The following SAMD8 variants were observed in gnomAD, a reference collection of about 807,000 sequenced individuals.
SAMD8 encodes the protein sphingomyelin synthase-related protein 1.
A neutral mutation model predicts 42.0 loss-of-function variants in SAMD8; 20 were observed. That is an observed-to-expected ratio of 0.48 (90% CI 0.34 to 0.69). The LOEUF (loss-of-function observed/expected upper bound fraction) is 0.69. Among genes scored for constraint, SAMD8 ranks in the 30% least tolerant of loss-of-function variants. The pLI, the probability that SAMD8 is intolerant of heterozygous loss-of-function variation, is 0.01. For synonymous variants in SAMD8, 162 were observed against 173.0 expected (o/e 0.94, Z 0.50); for missense variants, 328 against 511.6 (o/e 0.64, Z 3.46).
chr10:75,133,442 A>G (rs1314705384), intron 1 of SAMD8, among the ~76,000 whole-genome samples: 1 of 152,174 alleles, frequency 6.6e-6, no homozygotes, highest in East Asian at 1.9e-4. Flanking sequence ...CGATCCAGCA[A>G]TCTCTCTATT....
At chr10:75,121,038 A>G (rs996779022) in intron 1 of SAMD8, among the ~76,000 whole-genome samples, 1 of 152,018 alleles carries the variant, frequency 6.6e-6, no homozygotes, top group African/African-American at 2.4e-5. Flanking sequence ...CGGCCTCCCA[A>G]AGTGCTGGGA....
intron 1 of SAMD8, among the ~76,000 whole-genome samples, chr10:75,100,166 G>A (rs555505454): frequency 2.0e-5 from 3 of 152,268 alleles, no homozygotes; most frequent in Non-Finnish European, 4.4e-5. Flanking sequence ...CCAGGGAGCA[G>A]GCAGCCAGGC....
intron 1 of SAMD8, among the ~76,000 whole-genome samples, chr10:75,130,552 AT>A (rs1467785577): frequency 6.6e-6 from 1 of 152,102 alleles, no homozygotes; most frequent in African/African-American, 2.4e-5. Context: ...CTCTGGTAGG[AT>A]TTAGTAGCTT....
intron 1 of SAMD8, among the ~76,000 whole-genome samples, chr10:75,113,331 T>C (rs574007434): frequency 6.6e-6 from 1 of 152,334 alleles, no homozygotes; most frequent in South Asian, 2.1e-4. Context: ...TATGTGATTA[T>C]AGGTTTGTAA....
At chr10:75,154,484 A>G (rs1480549974) in intron 2 of SAMD8, among the ~76,000 whole-genome samples, 1 of 152,204 alleles carries the variant, frequency 6.6e-6, no homozygotes, top group Non-Finnish European at 1.5e-5. Context: ...GGTTTAAGGA[A>G]CAACCAGTGA....
intron 1 of SAMD8, among the ~76,000 whole-genome samples, chr10:75,123,162 TCACCCCACCCCACCCCACCCCACCC>T (rs60218062): frequency 2.0e-4 from 20 of 99,618 alleles, no homozygotes; most frequent in Admixed American, 8.3e-4. Flanking sequence ...CCACCCCACC[TCACCCCACCCCACCCCACCCCACCC>T]CACCCCACCC....
intron 4 of SAMD8, chr10:75,175,842 C>T: frequency 1.0e-6 from 1 of 982,330 alleles, no homozygotes; most frequent in Middle Eastern, 5.2e-4. Context: ...AGCCACTGTG[C>T]CCAGTCTGAT....
intron 1 of SAMD8, among the ~76,000 whole-genome samples, chr10:75,100,305 G>T (rs1052279589): frequency 6.6e-6 from 1 of 152,136 alleles, no homozygotes; most frequent in Non-Finnish European, 1.5e-5. Flanking sequence ...TTAGCGCTAT[G>T]CCTGGTCAGG....
At chr10:75,105,765 G>A (rs564658792) in intron 1 of SAMD8, 3 of 1,552,676 alleles carry the variant, frequency 1.9e-6, no homozygotes, top group South Asian at 2.4e-5. Flanking sequence ...GCCTCACGGT[G>A]ATCACCGCCT....
chr10:75,101,823 A>C, intron 1 of SAMD8: 1 of 1,301,910 alleles, frequency 7.7e-7, no homozygotes, highest in Non-Finnish European at 1.0e-6. Flanking sequence ...CAGCATGCTC[A>C]GGGACCACAT....
rs1265899627 is a variant in SAMD8, at chr10:75,176,545, C to A, written c.1101C>A (p.Ala367=). The stretch of plus-strand genomic sequence containing the variant: ...TCTTTTTGTACTACCATACTCTGGC[C>A]AATACCAGAGCATATCAGCAGAGTA... ...TRLFLYYHTL[A]NTRAYQQSRR... Residue 367 remains alanine (A), a synonymous_variant, in exon 6 of 6, where the codon GCC becomes GCA. Transcript: ENST00000542569. The surrounding 1 kb of genome is among the most constrained non-coding windows in gnomAD (Gnocchi z 4.3). The A allele has an allele frequency of 6.4e-7, 1 of 1,550,530 alleles. No individual in the cohort carries two copies. Among genetic ancestry groups the A allele is most frequent in the East Asian group, 2.4e-5 (1 of 40,926 alleles).
At chr10:75,107,543 G>C (rs982085095), upstream of SAMD8, among the ~76,000 whole-genome samples, 2 of 152,116 alleles carry the variant, frequency 1.3e-5, no homozygotes, top group African/African-American at 4.8e-5. Context: ...GGAAGGAATC[G>C]GGTTCGACAA....
chr10:75,160,235 C>T (rs1351931609), intron 2 of SAMD8, among the ~76,000 whole-genome samples: 9 of 151,898 alleles, frequency 5.9e-5, no homozygotes, highest in African/African-American at 1.9e-4. Flanking sequence ...CTTGCTCTGT[C>T]GCCCAGGCTG....
At chr10:75,145,691 A>G (rs1840114588) in intron 1 of SAMD8, among the ~76,000 whole-genome samples, 1 of 152,176 alleles carries the variant, frequency 6.6e-6, no homozygotes, top group African/African-American at 2.4e-5. Context: ...CCTGTGCATT[A>G]TAGAATGTTT....
intron 1 of SAMD8, among the ~76,000 whole-genome samples, chr10:75,124,295 A>G (rs1180556066): frequency 6.6e-6 from 1 of 152,090 alleles, no homozygotes; most frequent in Admixed American, 6.6e-5. Context: ...TCCTGCAAGC[A>G]GAAATCCATT....
At chr10:75,135,872 A>G (rs1385520792) in intron 1 of SAMD8, among the ~76,000 whole-genome samples, 1 of 152,028 alleles carries the variant, frequency 6.6e-6, no homozygotes, top group African/African-American at 2.4e-5. Context: ...GGGGAACTGA[A>G]TGAATTATTA....
intron 4 of SAMD8, among the ~76,000 whole-genome samples, chr10:75,174,343 A>T (rs10824287): frequency 0.25 from 37,895 of 150,676 alleles, 5,254 homozygotes; most frequent in East Asian, 0.59. Flanking sequence ...GTTAGCCAGG[A>T]TGGTCTCAAT....
intron 1 of SAMD8, among the ~76,000 whole-genome samples, chr10:75,118,205 C>T (rs1334066294): frequency 6.6e-6 from 1 of 152,156 alleles, no homozygotes; most frequent in African/African-American, 2.4e-5. Flanking sequence ...TTCTACTGCT[C>T]AGAAGTGGGA....
chr10:75,155,908 G>C (rs1406418259), intron 2 of SAMD8, among the ~76,000 whole-genome samples: 1 of 152,106 alleles, frequency 6.6e-6, no homozygotes, highest in African/African-American at 2.4e-5. Flanking sequence ...CACAGATCGT[G>C]GTTTTAAAAT....
Sources: gnomAD v4.1 joint callset for allele counts (sites outside exome capture counted in the v4.1 genomes callset) on GRCh38, gnomAD v4.1.1 for gene constraint, Gnocchi (gnomAD v3.1) non-coding constraint, MANE v1.5 for transcripts, NCBI Gene and HGNC (gene_info 2026-07-23, HGNC 2026-07-21) for gene names.